CREBRF: variants seen among roughly 807,000 people sequenced by gnomAD.
CREBRF encodes CREB3 regulatory factor, also known as UPF0474 protein C5orf41.
In CREBRF, 5 loss-of-function variants were observed where a neutral mutation model predicts 66.1. That is an observed-to-expected ratio of 0.08 (90% confidence interval 0.04 to 0.16). The LOEUF is 0.16. CREBRF is among the 10% of genes least tolerant of loss of function. The pLI is 1.00. For synonymous variants in CREBRF, 229 were observed against 264.4 expected (o/e 0.87, Z 1.30); for missense variants, 531 against 744.9 (o/e 0.71, Z 3.34).
chr5:173,070,163 G>T (rs2113678023), intron 1 of CREBRF, among the ~76,000 whole-genome samples: 1 of 152,212 alleles, frequency 6.6e-6, no homozygotes, highest in East Asian at 1.9e-4. Flanking sequence ...AAAGTGCTGG[G>T]ATTATAGGCA....
chr5:173,108,987 C>T, intron 5 of CREBRF, 169 bp downstream of exon 5: 1 of 609,296 alleles, frequency 1.6e-6, no homozygotes, highest in Non-Finnish European at 2.8e-6. Context: ...TCACAAATAG[C>T]TTTTACCAGT....
intron 1 of CREBRF, among the ~76,000 whole-genome samples, chr5:173,078,462 TTTA>T (rs1388036417): frequency 3.3e-5 from 5 of 151,276 alleles, no homozygotes; most frequent in Admixed American, 2.0e-4. Flanking sequence ...GGTTTATGTA[TTTA>T]TTATTATTAA....
intron 2 of CREBRF, among the ~76,000 whole-genome samples, chr5:173,082,634 G>T (rs935753004): frequency 6.6e-6 from 1 of 151,556 alleles, no homozygotes; most frequent in Non-Finnish European, 1.5e-5. Flanking sequence ...TGGCCAGTTG[G>T]CAGTGGCTCA....
chr5:173,113,229 A>G (rs927761940), intron 7 of CREBRF, among the ~76,000 whole-genome samples: 2 of 152,050 alleles, frequency 1.3e-5, no homozygotes, highest in African/African-American at 2.4e-5. Flanking sequence ...TTGTGGGCTC[A>G]AGCAATCTGC....
chr5:173,059,256 C>CTTTTTTTTTTTTTTT (rs780723745), intron 1 of CREBRF, among the ~76,000 whole-genome samples: 5 of 117,644 alleles, frequency 4.3e-5, no homozygotes, highest in Admixed American at 9.2e-5. Context: ...TCTTCTTTTT[C>CTTTTTTTTTTTTTTT]TTTTTTTTCT....
intron 4 of CREBRF, among the ~76,000 whole-genome samples, chr5:173,098,326 A>T (rs911829961): frequency 3.3e-5 from 5 of 151,682 alleles, no homozygotes; most frequent in African/African-American, 1.2e-4. Flanking sequence ...AGCTGGTACT[A>T]CAGGCGCCCG....
chr5:173,080,726 CAA>C lies in CREBRF; in HGVS notation c.-49_-48del. On this transcript the variant is annotated 5_prime_UTR_variant, in exon 2 of 9. Transcript: ENST00000296953. ...GTAAAGCTGGAAAGGAATTTACAAACAAGAAAAAAAAGAAGTTTGGAATCGGA... is the reference window on the plus strand; with the variant it reads ...GTAAAGCTGGAAAGGAATTTACAAACGAAAAAAAAGAAGTTTGGAATCGGA... The C allele has an allele frequency of 6.3e-7, 1 of 1,595,514 alleles. No individual in the cohort carries two copies. The highest frequency in any genetic ancestry group is 8.6e-7 in the Non-Finnish European group (1 of 1,166,304).
chr5:173,116,017 C>T (rs1314462224), intron 7 of CREBRF, among the ~76,000 whole-genome samples: 2 of 152,190 alleles, frequency 1.3e-5, no homozygotes, highest in Non-Finnish European at 2.9e-5. Flanking sequence ...CTGGTTTTTA[C>T]ACCAGGCATT....
rs1224787460 is a variant in CREBRF, at chr5:173,110,574, A to G, written c.1470A>G (p.Pro490=). 6.2e-7 allele frequency: 1 copy of G among 1,613,922 alleles called. No homozygotes were observed. The highest frequency in any genetic ancestry group is 1.7e-5 in the Admixed American group (1 of 59,988). Residue 490 remains proline (P), a synonymous_variant, in exon 6 of 9, where the codon CCA becomes CCG. Coordinates refer to ENST00000296953, the MANE Select transcript of CREBRF (RefSeq NM_153607.3). ...SRRTDVEDLT[P]NPKKLLQIGN... ...GAACTGATGTAGAAGACCTGACTCC[A>G]AATCCTAAAAAACTCCTCCAGATAG...
chr5:173,094,075 C>T (rs1225598322), intron 4 of CREBRF, among the ~76,000 whole-genome samples: 1 of 152,188 alleles, frequency 6.6e-6, no homozygotes, highest in Non-Finnish European at 1.5e-5. Flanking sequence ...CTTCCAGGTT[C>T]ATCCATGTTA....
At chr5:173,130,629 AT>A (rs1759401396) in intron 8 of CREBRF, among the ~76,000 whole-genome samples, 1 of 151,882 alleles carries the variant, frequency 6.6e-6, no homozygotes, top group Non-Finnish European at 1.5e-5. Flanking sequence ...GACTCAAGTG[AT>A]CTTTCAGCAC....
chr5:173,111,807 A>G (rs749384235), intron 6 of CREBRF, among the ~76,000 whole-genome samples: 20 of 152,222 alleles, frequency 1.3e-4, no homozygotes, highest in South Asian at 4.1e-4. Context: ...CTGCCAAACT[A>G]TTCTCCAAAG....
At chr5:173,132,115 C>T (rs1177115137) in intron 8 of CREBRF, among the ~76,000 whole-genome samples, 6 of 135,628 alleles carry the variant, frequency 4.4e-5, no homozygotes, top group African/African-American at 1.1e-4. Context: ...GATGGAGTTT[C>T]ACTCTTGTTG....
At position 173,108,815 on chromosome 5, in the gene CREBRF, C is replaced by A; in HGVS notation, c.1414C>A (p.His472Asn). The A allele has an allele frequency of 6.2e-7, 1 of 1,611,286 alleles. No individual in the cohort carries two copies. Among genetic ancestry groups the A allele is most frequent in the Non-Finnish European group, 8.5e-7 (1 of 1,179,026 alleles). ...TATGTATCAGAAAAATGGCTTACAT[C>A]ATGGTAAGAGGGGATTGCAGTCAGA... ...SNMYQKNGLH[H>N]GKYAVKKSRR... is the part of the protein sequence containing the mutation. Residue 472 changes from histidine to asparagine, a missense_variant, in exon 5 of 9, where the codon CAT (histidine) becomes AAT (asparagine). His to Asn is a moderately conservative substitution (Grantham distance 68). Transcript: ENST00000296953.
chr5:173,126,657 T>TG (rs1341491163), intron 8 of CREBRF, among the ~76,000 whole-genome samples: 1 of 152,196 alleles, frequency 6.6e-6, no homozygotes, highest in East Asian at 1.9e-4. Context: ...GGTAACCTAT[T>TG]CGCTATATGG....
At chr5:173,117,662 CTCTTTCTTTT>C in intron 7 of CREBRF, among the ~76,000 whole-genome samples, 1 of 128,148 alleles carries the variant, frequency 7.8e-6, no homozygotes, top group African/African-American at 2.9e-5. Context: ...CTCTCTCTCT[CTCTTTCTTTT>C]TCTCTCTCTC....
intron 7 of CREBRF, among the ~76,000 whole-genome samples, chr5:173,122,452 C>A (rs1759158318): frequency 6.6e-6 from 1 of 151,196 alleles, no homozygotes; most frequent in Non-Finnish European, 1.5e-5. Flanking sequence ...AAATCAGTTT[C>A]TTTGTATAGG....
chr5:173,077,004 C>T (rs1757785132), intron 1 of CREBRF, among the ~76,000 whole-genome samples: 1 of 151,080 alleles, frequency 6.6e-6, no homozygotes, highest in Admixed American at 6.6e-5. Flanking sequence ...AGTGCAGTGG[C>T]ACAATCTCGG....
intron 4 of CREBRF, among the ~76,000 whole-genome samples, chr5:173,095,022 C>A (rs1436806999): frequency 2.6e-5 from 4 of 151,970 alleles, no homozygotes; most frequent in Non-Finnish European, 5.9e-5. Flanking sequence ...TTTCCCATAA[C>A]CATTTATTGA....
Sources: allele counts gnomAD v4.1 joint callset (sites outside exome capture counted in the v4.1 genomes callset), GRCh38; gene constraint gnomAD v4.1.1; transcripts MANE v1.5; gene names NCBI Gene and HGNC (gene_info 2026-07-23, HGNC 2026-07-21).